The following GAS2 variants were observed in gnomAD, a reference collection of about 807,000 sequenced individuals.
GAS2 encodes growth arrest-specific protein 2.
GAS2 carries 20 observed loss-of-function variants against 37.5 expected under a neutral mutation model. The observed-to-expected ratio is 0.53, with a 90% CI of 0.37 to 0.77. GAS2 has a LOEUF of 0.77. Ranked by LOEUF, GAS2 falls within the 30% of genes least tolerant of loss-of-function variation. GAS2 has a pLI of 0.00. For missense variants in GAS2, 336 were observed against 373.4 expected, an observed-to-expected ratio of 0.90 and a Z score of 0.82; for synonymous variants, 144 against 132.2, an observed-to-expected ratio of 1.09 and a Z score of -0.61.
intron 7 of GAS2, among the ~76,000 whole-genome samples, chr11:22,770,608 G>C (rs1409616146): frequency 1.3e-5 from 2 of 152,080 alleles, no homozygotes; most frequent in Non-Finnish European, 2.9e-5. Context: ...TTTCCTTACA[G>C]GTATTTTTTA....
intron 1 of GAS2, among the ~76,000 whole-genome samples, chr11:22,651,010 G>A (rs529609748): frequency 7.2e-5 from 11 of 152,280 alleles, no homozygotes; most frequent in Admixed American, 7.2e-4. Flanking sequence ...TTTCTTCCTA[G>A]TCTTGTTGGT....
intron 4 of GAS2, among the ~76,000 whole-genome samples, chr11:22,733,618 T>C (rs1363616065): frequency 6.6e-6 from 1 of 151,746 alleles, no homozygotes; most frequent in Non-Finnish European, 1.5e-5. Flanking sequence ...CCTCATTTTC[T>C]ATTCCTGGAG....
At chr11:22,796,458 A>G (rs1488848406) in intron 7 of GAS2, among the ~76,000 whole-genome samples, 3 of 151,922 alleles carry the variant, frequency 2.0e-5, no homozygotes, top group African/African-American at 7.3e-5. Flanking sequence ...TTATCCTCTC[A>G]ACTTCCCTTA....
At chr11:22,634,177 G>A (rs2133808229) in intron 1 of GAS2, among the ~76,000 whole-genome samples, 1 of 152,294 alleles carries the variant, frequency 6.6e-6, no homozygotes, top group South Asian at 2.1e-4. Context: ...CCAGCAAAGA[G>A]AGAATGAGAG....
intron 3 of GAS2, among the ~76,000 whole-genome samples, chr11:22,720,714 A>G (rs923600268): frequency 4.6e-5 from 7 of 152,022 alleles, no homozygotes; most frequent in Non-Finnish European, 8.8e-5. Context: ...TCATTTATGT[A>G]TCTCTTCTGT....
intron 1 of GAS2, among the ~76,000 whole-genome samples, chr11:22,654,674 A>T (rs1848835881): frequency 6.6e-6 from 1 of 152,220 alleles, no homozygotes; most frequent in South Asian, 2.1e-4. Context: ...AGAATTACAA[A>T]TGTAAGCCAT....
rs773038785 is a variant in GAS2, at chr11:22,651,149, A to G, written c.-20-23701A>G. ...AATCTCTCAGCATTTGCTTATCTGT[A>G]AAGTATTTTATTTCTCCTTCACTTA... is the stretch of plus-strand genomic sequence containing the variant. On this transcript the variant is annotated intron_variant, in intron 1 of 5. Coordinates refer to the GAS2 transcript ENST00000528582. Among the ~76,000 whole-genome samples, 1,082 of 151,338 alleles carry G rather than the reference A, an allele frequency of 7.1e-3. 10 individuals carry two copies. The highest frequency in any genetic ancestry group is 0.025 in the African/African-American group (1,023 of 41,442).
At chr11:22,682,608 G>T (rs919873813) in intron 2 of GAS2, among the ~76,000 whole-genome samples, 1 of 151,946 alleles carries the variant, frequency 6.6e-6, no homozygotes, top group African/African-American at 2.4e-5. Flanking sequence ...GGCCTGGCGT[G>T]GTGCCTTATG....
intron 7 of GAS2, among the ~76,000 whole-genome samples, chr11:22,789,436 AT>A (rs1483357805): frequency 1.1e-5 from 1 of 94,496 alleles, no homozygotes; most frequent in East Asian, 2.7e-4. Flanking sequence ...ATATATATAT[AT>A]ATATATATAT....
At chr11:22,789,187 T>G (rs945421859) in intron 7 of GAS2, among the ~76,000 whole-genome samples, 1 of 148,610 alleles carries the variant, frequency 6.7e-6, no homozygotes, top group East Asian at 2.0e-4. Flanking sequence ...TGACACTAAT[T>G]TGATGGAGAT....
Position 22,626,161 on chromosome 11 carries a change from ACT to A in GAS2, c.-21+349_-21+350del, listed in dbSNP as rs1333196601. The A allele has an allele frequency of 1.1e-5, 4 of 352,586 alleles. No homozygotes were observed. In the Admixed American group the frequency reaches 1.2e-4, roughly 11 times the overall value. The allele number at this position is 352,586 out of a possible 1,614,324, so 21.8% of individuals were successfully genotyped here. Reference sequence around the variant, plus strand: ...AGAAATTTTCTGAGCTTTGCCTAAAACTAGAATCTGTGTTGAGGTTTTTCAAA... The same window carrying A: ...AGAAATTTTCTGAGCTTTGCCTAAAAAGAATCTGTGTTGAGGTTTTTCAAA... On this transcript the variant is annotated intron_variant, in intron 1 of 5. Transcript: ENST00000528582.
intron 3 of GAS2, among the ~76,000 whole-genome samples, chr11:22,693,049 A>T (rs1384344301): frequency 6.6e-6 from 1 of 152,228 alleles, no homozygotes; most frequent in Non-Finnish European, 1.5e-5. Flanking sequence ...TGTGTATTTT[A>T]TGAAACCGTC....
At chr11:22,732,376 T>C (rs920082921) in intron 4 of GAS2, among the ~76,000 whole-genome samples, 2 of 151,670 alleles carry the variant, frequency 1.3e-5, no homozygotes, top group Admixed American at 6.6e-5. Context: ...CTGATGAGAT[T>C]ATGAATGGAC....
intron 7 of GAS2, among the ~76,000 whole-genome samples, chr11:22,778,788 C>T (rs1463349761): frequency 6.6e-6 from 1 of 152,132 alleles, no homozygotes; most frequent in African/African-American, 2.4e-5. Flanking sequence ...TTTCCAAGTG[C>T]CATGAAGAAT....
chr11:22,795,780 A>T (rs1229237824), intron 7 of GAS2, among the ~76,000 whole-genome samples: 2 of 152,130 alleles, frequency 1.3e-5, no homozygotes, highest in African/African-American at 4.8e-5. Context: ...GGTGACTTCT[A>T]TTTTAACAAG....
At chr11:22,807,960 G>T (rs996943463) in intron 7 of GAS2, among the ~76,000 whole-genome samples, 2 of 152,112 alleles carry the variant, frequency 1.3e-5, no homozygotes, top group Non-Finnish European at 2.9e-5. Flanking sequence ...TCTGAGAAAA[G>T]AACTCAGATA....
At chr11:22,732,394 G>A (rs1374351393) in intron 4 of GAS2, among the ~76,000 whole-genome samples, 7 of 151,710 alleles carry the variant, frequency 4.6e-5, no homozygotes, top group Admixed American at 3.9e-4. Context: ...GACACTCCTT[G>A]TTCAAATGAT....
chr11:22,709,466 C>G (rs1851290488), intron 3 of GAS2, among the ~76,000 whole-genome samples: 1 of 152,124 alleles, frequency 6.6e-6, no homozygotes. Context: ...TCTAGGACAT[C>G]TTATTTAATT....
At chr11:22,736,639 A>T (rs1297329647) in intron 4 of GAS2, among the ~76,000 whole-genome samples, 1 of 152,128 alleles carries the variant, frequency 6.6e-6, no homozygotes, top group East Asian at 1.9e-4. Flanking sequence ...TAGAAAGAAG[A>T]AACTAGAATA....
Sources: gnomAD v4.1 joint callset for allele counts (sites outside exome capture counted in the v4.1 genomes callset) on GRCh38, gnomAD v4.1.1 for gene constraint, MANE v1.5 for transcripts, NCBI Gene and HGNC (gene_info 2026-07-23, HGNC 2026-07-21) for gene names.